STX8: variants seen among roughly 807,000 people sequenced by gnomAD.
STX8 encodes syntaxin 8.
STX8 carries 23 observed loss-of-function variants against 37.5 expected under a neutral mutation model. That is an observed-to-expected ratio of 0.61 (90% CI 0.44 to 0.87). The LOEUF is 0.87. Among genes scored for constraint, STX8 ranks in the 40% least tolerant of loss-of-function variants. The pLI is 0.00. For missense variants in STX8, 313 were observed against 284.7 expected (o/e 1.10, Z -0.71); for synonymous variants, 115 against 99.1 (o/e 1.16, Z -0.95).
Position 9,342,893 on chromosome 17 carries a change from T to C in STX8, c.643+35659A>G, listed in dbSNP as rs199751088. Among the ~76,000 whole-genome samples, 5 of 152,000 alleles carry C rather than the reference T, an allele frequency of 3.3e-5. No homozygotes were observed. In the East Asian group the frequency reaches 9.7e-4, roughly 29 times the overall value. ...AAAATTAGCCAGGTGTGGTGGTACG[T>C]GCCTGTAGTCCCAGCTACTTGGGAG... On this transcript the variant is annotated intron_variant, in intron 7 of 7. Coordinates refer to ENST00000306357, the MANE Select transcript of STX8 (RefSeq NM_004853.3).
At chr17:9,436,346 C>CA (rs59912421) in intron 6 of STX8, among the ~76,000 whole-genome samples, 37,219 of 113,650 alleles carry the variant, frequency 0.33, 5,275 homozygotes, top group African/African-American at 0.4. Flanking sequence ...GCCTCCATCG[C>CA]AAAAAAAAAA....
chr17:9,315,837 C>T (rs758257358), intron 7 of STX8, among the ~76,000 whole-genome samples: 1 of 151,980 alleles, frequency 6.6e-6, no homozygotes, highest in Non-Finnish European at 1.5e-5. Flanking sequence ...CATGGTGAAA[C>T]GCTGTCTCTA....
At chr17:9,429,309 T>A (rs1445048451) in intron 6 of STX8, among the ~76,000 whole-genome samples, 1 of 145,960 alleles carries the variant, frequency 6.9e-6, no homozygotes, top group African/African-American at 2.5e-5. Context: ...AATACATTAT[T>A]TATATATTTT....
chr17:9,352,183 A>C (rs557419954), intron 7 of STX8, among the ~76,000 whole-genome samples: 2 of 151,696 alleles, frequency 1.3e-5, no homozygotes, highest in African/African-American at 4.8e-5. Flanking sequence ...AACAAAAAAA[A>C]ACTTGGGGCT....
intron 7 of STX8, among the ~76,000 whole-genome samples, chr17:9,376,554 C>G (rs1311937448): frequency 1.3e-5 from 2 of 152,258 alleles, no homozygotes; most frequent in East Asian, 3.8e-4. Flanking sequence ...GGCAGCAACC[C>G]TGACCCGCTC....
At chr17:9,431,626 C>T (rs2142372508) in intron 6 of STX8, among the ~76,000 whole-genome samples, 1 of 152,264 alleles carries the variant, frequency 6.6e-6, no homozygotes, top group East Asian at 1.9e-4. Context: ...AGAGAGAACA[C>T]AGTCATGACA....
chr17:9,406,272 T>G (rs908725282), intron 6 of STX8, among the ~76,000 whole-genome samples: 2 of 152,184 alleles, frequency 1.3e-5, no homozygotes, highest in Non-Finnish European at 2.9e-5. Context: ...ATGGGTCCCA[T>G]GGTGTTGTTC....
intron 7 of STX8, among the ~76,000 whole-genome samples, chr17:9,302,059 C>T (rs1397437511): frequency 6.6e-6 from 1 of 152,154 alleles, no homozygotes; most frequent in Admixed American, 6.5e-5. Context: ...TGCCTAGTAC[C>T]AGAGTATTTT....
intron 4 of STX8, among the ~76,000 whole-genome samples, chr17:9,514,450 CAAAA>C (rs1905110961): frequency 6.6e-6 from 1 of 151,910 alleles, no homozygotes; most frequent in Non-Finnish European, 1.5e-5. Context: ...ACTAAAAACA[CAAAA>C]ATTAGCTAGG....
At chr17:9,389,354 T>C (rs1459678721) in intron 6 of STX8, among the ~76,000 whole-genome samples, 1 of 152,272 alleles carries the variant, frequency 6.6e-6, no homozygotes, top group Non-Finnish European at 1.5e-5. Context: ...TTCAGATTCC[T>C]GACTGTAGAG....
Position 9,321,499 on chromosome 17 carries a change from AT to A in STX8, c.643+57052del, listed in dbSNP as rs1222809777. On this transcript the variant is annotated intron_variant, in intron 7 of 7. Coordinates refer to ENST00000306357, the MANE Select transcript of STX8 (RefSeq NM_004853.3). Reference sequence around the variant, plus strand: ...GAGCTGAGATAGAAAAAGAAAAAAAATAACACATATAAATATACTACTTATT... The same window carrying A: ...GAGCTGAGATAGAAAAAGAAAAAAAAAACACATATAAATATACTACTTATT... Among the ~76,000 whole-genome samples, 11 of 152,106 alleles carry A rather than the reference AT, an allele frequency of 7.2e-5. No homozygotes were observed. The East Asian group carries it at 9.7e-4, about 13-fold the overall frequency.
chr17:9,501,740 G>A (rs764711955), intron 5 of STX8, among the ~76,000 whole-genome samples: 4 of 151,958 alleles, frequency 2.6e-5, no homozygotes, highest in Non-Finnish European at 4.4e-5. Flanking sequence ...TTGGGAGGCC[G>A]AGGCAGGCGG....
chr17:9,300,830 CTTTTTTTTTT>C (rs1164799565), intron 7 of STX8, among the ~76,000 whole-genome samples: 3 of 90,908 alleles, frequency 3.3e-5, no homozygotes, highest in African/African-American at 4.2e-5. Flanking sequence ...TTATTTTGTT[CTTTTTTTTTT>C]TTTTTTTTTT....
At chr17:9,512,592 A>G (rs1249601869) in intron 4 of STX8, among the ~76,000 whole-genome samples, 2 of 151,994 alleles carry the variant, frequency 1.3e-5, no homozygotes, top group African/African-American at 2.4e-5. Context: ...TCTCCTGAGT[A>G]GTTGGGATTA....
chr17:9,325,192 C>T (rs1909714077), intron 7 of STX8, among the ~76,000 whole-genome samples: 1 of 152,098 alleles, frequency 6.6e-6, no homozygotes, highest in East Asian at 1.9e-4. Flanking sequence ...GTATTAAAAG[C>T]GTTTTCAACT....
At chr17:9,359,334 A>G (rs1055662635) in intron 7 of STX8, among the ~76,000 whole-genome samples, 24 of 152,062 alleles carry the variant, frequency 1.6e-4, no homozygotes, top group Admixed American at 1.1e-3. Context: ...GAAAAGAGGT[A>G]TTACTCTCTG....
chr17:9,426,872 G>C (rs1913650345), intron 6 of STX8, among the ~76,000 whole-genome samples: 1 of 151,950 alleles, frequency 6.6e-6, no homozygotes, highest in Non-Finnish European at 1.5e-5. Context: ...TCTTGTAAGA[G>C]ACACACCTAG....
At chr17:9,538,342 T>A (rs1906142707) in intron 4 of STX8, among the ~76,000 whole-genome samples, 1 of 152,214 alleles carries the variant, frequency 6.6e-6, no homozygotes, top group Non-Finnish European at 1.5e-5. Context: ...GTAACAACAT[T>A]AAGCAATGTG....
intron 6 of STX8, among the ~76,000 whole-genome samples, chr17:9,454,732 AAT>A: frequency 6.6e-6 from 1 of 152,008 alleles, no homozygotes; most frequent in East Asian, 1.9e-4. Flanking sequence ...TTTTCCATTT[AAT>A]ATATTGGGAC....
Sources: allele counts gnomAD v4.1 joint callset (sites outside exome capture counted in the v4.1 genomes callset), GRCh38; gene constraint gnomAD v4.1.1; transcripts MANE v1.5; gene names NCBI Gene and HGNC (gene_info 2026-07-23, HGNC 2026-07-21).